ADAM9: variants seen among roughly 807,000 people sequenced by gnomAD.
ADAM9 encodes the protein ADAM metallopeptidase domain 9.
In ADAM9, 54 loss-of-function variants were observed where a neutral mutation model predicts 108.1. The observed-to-expected ratio is 0.50, with a 90% CI of 0.40 to 0.63. The LOEUF is 0.63. Among genes scored for constraint, ADAM9 ranks in the 20% least tolerant of loss-of-function variants. The pLI, the probability that ADAM9 is intolerant of heterozygous loss-of-function variation, is 0.00. For missense variants in ADAM9, 830 were observed against 997.7 expected (o/e 0.83, Z 2.26); for synonymous variants, 316 against 336.0 (o/e 0.94, Z 0.65).
chr8:39,034,394 C>T (rs1165327223), intron 11 of ADAM9, among the ~76,000 whole-genome samples: 1 of 152,150 alleles, frequency 6.6e-6, no homozygotes, highest in Non-Finnish European at 1.5e-5. Context: ...ACTTTCTTGA[C>T]TCATATAGCT....
intron 18 of ADAM9, among the ~76,000 whole-genome samples, chr8:39,084,032 G>C (rs1403092922): frequency 1.3e-5 from 2 of 152,082 alleles, no homozygotes; most frequent in Non-Finnish European, 2.9e-5. Flanking sequence ...ATTCCAGTAG[G>C]TATGTAGTGG....
At chr8:39,035,053 T>C (rs1837225110) in intron 11 of ADAM9, among the ~76,000 whole-genome samples, 1 of 152,234 alleles carries the variant, frequency 6.6e-6, no homozygotes. Context: ...CTGTCTCTCT[T>C]ACGCCTCTGT....
intron 1 of ADAM9, among the ~76,000 whole-genome samples, chr8:38,999,186 A>G (rs1018880468): frequency 6.6e-6 from 1 of 152,182 alleles, no homozygotes; most frequent in African/African-American, 2.4e-5. Context: ...ATTTTCCAGG[A>G]TCGAAAGAGG....
At chr8:39,006,975 C>A (rs1408380381) in intron 1 of ADAM9, among the ~76,000 whole-genome samples, 2 of 152,160 alleles carry the variant, frequency 1.3e-5, no homozygotes, top group Non-Finnish European at 2.9e-5. Flanking sequence ...AGTCCTTGTC[C>A]ATTTAATAAG....
intron 1 of ADAM9, among the ~76,000 whole-genome samples, chr8:38,997,853 C>G (rs1166365010): frequency 1.3e-5 from 2 of 152,088 alleles, no homozygotes; most frequent in Non-Finnish European, 1.5e-5. Context: ...ACAGATAATC[C>G]CTGCTCTTTT....
intron 11 of ADAM9, among the ~76,000 whole-genome samples, chr8:39,028,754 G>GA (rs1837005328): frequency 6.6e-6 from 1 of 152,130 alleles, no homozygotes; most frequent in African/African-American, 2.4e-5. Context: ...CATCTGGGGG[G>GA]AAGACAATCT....
chr8:39,059,261 G>A (rs1339261004), intron 14 of ADAM9, among the ~76,000 whole-genome samples: 1 of 152,234 alleles, frequency 6.6e-6, no homozygotes, highest in African/African-American at 2.4e-5. Context: ...GAGTACGTGT[G>A]TCTGTCCCAG....
intron 20 of ADAM9, among the ~76,000 whole-genome samples, chr8:39,101,093 G>A (rs1266939128): frequency 6.6e-6 from 1 of 152,202 alleles, no homozygotes; most frequent in Non-Finnish European, 1.5e-5. Context: ...TAGGAAATAT[G>A]TTACCTTCTA....
intron 15 of ADAM9, 23 bp downstream of exon 15, chr8:39,071,426 TGGAA>T: frequency 1.3e-6 from 2 of 1,513,498 alleles, no homozygotes; most frequent in Non-Finnish European, 1.8e-6. Flanking sequence ...GCGGTCATAA[TGGAA>T]TATGAAAGAT....
In ADAM9 at chr8:39,042,039, TG is replaced by T; in HGVS notation, c.1225del (p.Asp409MetfsTer135). The T allele has an allele frequency of 6.2e-7, 1 of 1,614,170 alleles. No homozygotes were observed. The highest frequency in any genetic ancestry group is 8.5e-7 in the Non-Finnish European group (1 of 1,179,970). ...ACTGCCTTCTTAATATTCCAAAGCC[TG>T]ATGAAGCCTATAGTGCTCCCTCCTG... ...GNCLLNIPKPDEAYSAPSCGN... is the reference protein window; with the variant it reads ...GNCLLNIPKPXEAYSAPSCGN... On this transcript the variant is annotated frameshift_variant, in exon 12 of 22. Coordinates refer to ENST00000487273, the MANE Select transcript of ADAM9 (RefSeq NM_003816.3). LOFTEE classifies it high-confidence loss of function.
intron 1 of ADAM9, among the ~76,000 whole-genome samples, chr8:39,000,569 C>T (rs1835963245): frequency 6.6e-6 from 1 of 151,856 alleles, no homozygotes; most frequent in Non-Finnish European, 1.5e-5. Context: ...TGAAGCAATC[C>T]TCCTGCCTAA....
At chr8:39,084,155 C>CT (rs1839108473) in intron 18 of ADAM9, among the ~76,000 whole-genome samples, 1 of 152,058 alleles carries the variant, frequency 6.6e-6, no homozygotes, top group Admixed American at 6.6e-5. Flanking sequence ...CTGTTTAAAT[C>CT]TTTTTTCCAG....
At chr8:39,037,055 T>C (rs1185951321) in intron 11 of ADAM9, among the ~76,000 whole-genome samples, 1 of 105,498 alleles carries the variant, frequency 9.5e-6, no homozygotes, top group Non-Finnish European at 2.1e-5. Context: ...AAGTTCTTTT[T>C]TTTTTTTTTT....
chr8:39,056,254 C>T (rs1484673757), intron 14 of ADAM9, among the ~76,000 whole-genome samples: 4 of 152,024 alleles, frequency 2.6e-5, no homozygotes, highest in Admixed American at 6.6e-5. Context: ...CAAGGGCATA[C>T]ATATAAAGAG....
At chr8:39,017,491 C>T in intron 6 of ADAM9, 77 bp downstream of exon 6, 2 of 1,438,950 alleles carry the variant, frequency 1.4e-6, no homozygotes, top group Non-Finnish European at 1.9e-6. Context: ...GAAATCAATA[C>T]TATGAGTAGT....
chr8:39,055,774 T>C lies in ADAM9; in HGVS notation c.1591+2T>C, dbSNP rs1184902155. ...AATGTCAAGTCATCTTTGGCTCAAG[T>C]AAGATATCATCATTTATAATTGATT... On this transcript the variant is annotated splice_donor_variant, in intron 14 of 21. Coordinates refer to ENST00000487273, the MANE Select transcript of ADAM9 (RefSeq NM_003816.3). LOFTEE classifies it high-confidence loss of function. 6.2e-7 allele frequency: 1 copy of C among 1,611,888 alleles called. No individual in the cohort carries two copies. Among genetic ancestry groups the C allele is most frequent in the South Asian group, 1.1e-5 (1 of 90,944 alleles).
rs565077725 is a variant in ADAM9 at position 39,045,589 on chromosome 8, A to T, written c.1302+3472A>T. The stretch of plus-strand genomic sequence containing the variant: ...GTGTGTGTATATATATATATATATA[A>T]AAGATTTTTCTCATCCAGTCGACTG... On this transcript the variant is annotated intron_variant, in intron 12 of 21. Transcript: ENST00000487273. Among the ~76,000 whole-genome samples the T allele has an allele frequency of 6.0e-4, 85 of 140,630 alleles. 2 individuals carry two copies. The highest frequency in any genetic ancestry group is 2.6e-3 in the African/African-American group (83 of 32,350). The allele number at this position is 140,630 out of a possible 152,430, so 92.3% of individuals were successfully genotyped here.
chr8:39,067,730 C>A (rs1253434307), intron 14 of ADAM9, among the ~76,000 whole-genome samples: 2 of 152,138 alleles, frequency 1.3e-5, no homozygotes, highest in Non-Finnish European at 2.9e-5. Context: ...ATTGAATACC[C>A]TTTATTTCTT....
chr8:39,105,256 C>A lies in ADAM9; in HGVS notation c.*1556C>A. On this transcript the variant is annotated 3_prime_UTR_variant, in exon 22 of 22. Coordinates refer to ENST00000487273, the MANE Select transcript of ADAM9 (RefSeq NM_003816.3). Reference sequence around the variant, plus strand: ...ATACATATTAAAAATTGTGAGCAATCTCAAATGAAGGTCCATCGTTTCATT... The same window carrying A: ...ATACATATTAAAAATTGTGAGCAATATCAAATGAAGGTCCATCGTTTCATT... The A allele has an allele frequency of 2.4e-6, 1 of 420,304 alleles. No individual in the cohort carries two copies. The highest frequency in any genetic ancestry group is 3.0e-5 in the Admixed American group (1 of 33,298). The allele number at this position is 420,304 out of a possible 1,614,324, so 26.0% of individuals were successfully genotyped here.
Sources: gnomAD v4.1 joint callset for allele counts (sites outside exome capture counted in the v4.1 genomes callset) on GRCh38, gnomAD v4.1.1 for gene constraint, MANE v1.5 for transcripts, NCBI Gene and HGNC (gene_info 2026-07-23, HGNC 2026-07-21) for gene names.